The following SIGLEC9 variants were observed in gnomAD, a reference collection of about 807,000 sequenced individuals.
SIGLEC9 encodes the protein sialic acid binding Ig like lectin 9.
A neutral mutation model predicts 38.3 loss-of-function variants in SIGLEC9; 26 were observed. The ratio of observed to expected loss-of-function variants is 0.68; its 90% CI spans 0.50 to 0.94. The LOEUF (loss-of-function observed/expected upper bound fraction) is 0.94. SIGLEC9 is among the 40% of genes least tolerant of loss of function. The pLI, the probability that SIGLEC9 is intolerant of heterozygous loss-of-function variation, is 0.00. For missense variants in SIGLEC9, 556 were observed against 585.7 expected (o/e 0.95, Z 0.52); for synonymous variants, 236 against 248.0 (o/e 0.95, Z 0.45).
chr19:51,133,172 G>C (rs997101801), downstream of SIGLEC9, among the ~76,000 whole-genome samples: 1 of 152,090 alleles, frequency 6.6e-6, no homozygotes, highest in African/African-American at 2.4e-5. Context: ...GAGTAATACA[G>C]AGAGTGTGGT....
rs1228611483 is a variant in SIGLEC9, at chr19:51,127,964, G to T, written c.1031G>T (p.Gly344Val). Residue 344 changes from glycine to valine, a missense_variant, in exon 5 of 7, where the codon GGA (glycine) becomes GTA (valine). Transcript: ENST00000250360. ...NVSLQSKATS[G>V]VTQGVVGGAG... ...CTGTCAACAGGCAAAGCCACATCAG[G>T]AGTGACTCAGGGGGTGGTCGGGGGA... 6.2e-7 allele frequency: 1 copy of T among 1,613,292 alleles called. No homozygotes were observed. The highest frequency in any genetic ancestry group is 1.1e-5 in the South Asian group (1 of 91,050).
rs2091975609 is a variant in SIGLEC9, at chr19:51,125,841, G to C, written c.666G>C (p.Val222=). ...TCQVTFPGAS[V]TTNKTVHLNV... ...AGGTGACCTTCCCTGGGGCCAGCGT[G>C]ACCACGAACAAGACCGTCCATCTCA... Residue 222 remains valine (V), a synonymous_variant, in exon 2 of 7, where the codon GTG becomes GTC. Transcript: ENST00000250360. The C allele has an allele frequency of 6.2e-7, 1 of 1,614,016 alleles. No individual in the cohort carries two copies. The highest frequency in any genetic ancestry group is 8.5e-7 in the Non-Finnish European group (1 of 1,180,032).
At chr19:51,129,338 T>A (rs1375200333) in intron 6 of SIGLEC9, among the ~76,000 whole-genome samples, 1 of 151,454 alleles carries the variant, frequency 6.6e-6, no homozygotes, top group Non-Finnish European at 1.5e-5. Flanking sequence ...TTTTTGTATT[T>A]TTAGTAGAGA....
At position 51,130,210 on chromosome 19, in the gene SIGLEC9, G is replaced by C. The variant is rs767190541; in HGVS notation, c.*131G>C. The C allele has an allele frequency of 8.7e-5, 121 of 1,396,948 alleles. No individual in the cohort carries two copies. The highest frequency in any genetic ancestry group is 1.1e-4 in the Non-Finnish European group (118 of 1,076,302). The allele number at this position is 1,396,948 out of a possible 1,614,324, so 86.5% of individuals were successfully genotyped here. ...ATGATAACACTATGAATTATGTGCA[G>C]AGTGAAAAGCACACAGGCTTTAGAG... On this transcript the variant is annotated 3_prime_UTR_variant, in exon 7 of 7. Transcript: ENST00000250360.
At chr19:51,131,527 A>G (rs2092014801), downstream of SIGLEC9, among the ~76,000 whole-genome samples, 1 of 151,418 alleles carries the variant, frequency 6.6e-6, no homozygotes, top group Non-Finnish European at 1.5e-5. Context: ...TGGAGCTTGC[A>G]GTGAGCTGAG....
rs375511640 is a variant in SIGLEC9 at position 51,129,501 on chromosome 19, A to G, written c.1204-390A>G. Among the ~76,000 whole-genome samples, 34 of 151,996 alleles carry G rather than the reference A, an allele frequency of 2.2e-4. 2 individuals are homozygous for G. The South Asian group carries it at 3.5e-3, about 16-fold the overall frequency. Reference sequence around the variant, plus strand: ...GCACCTACCTCTCCACTAGGGCAAGAACAAGGGTGAAGTGAGTGAGGCTGT... The same window carrying G: ...GCACCTACCTCTCCACTAGGGCAAGGACAAGGGTGAAGTGAGTGAGGCTGT... On this transcript the variant is annotated intron_variant, in intron 6 of 6. Coordinates refer to ENST00000250360, the MANE Select transcript of SIGLEC9 (RefSeq NM_014441.3).
At chr19:51,122,442 G>A (rs895899005), upstream of SIGLEC9, among the ~76,000 whole-genome samples, 2 of 152,046 alleles carry the variant, frequency 1.3e-5, no homozygotes, top group Non-Finnish European at 2.9e-5. The surrounding 1 kb of genome is among the most constrained non-coding windows in gnomAD (Gnocchi z 4.1). Context: ...TTAACCTGGC[G>A]TGGCGGCACA....
intron 3 of SIGLEC9, 136 bp downstream of exon 3, chr19:51,126,264 C>A (rs952124519): frequency 3.6e-5 from 31 of 863,196 alleles, no homozygotes; most frequent in Non-Finnish European, 1.2e-5. Context: ...CCTCTGTATC[C>A]TTAGGCCCCA....
At chr19:51,135,436 A>G (rs1324710193) in intron 6 of SIGLEC9, among the ~76,000 whole-genome samples, 2 of 152,346 alleles carry the variant, frequency 1.3e-5, no homozygotes, top group Middle Eastern at 3.4e-3. Context: ...ATTTCTGCTA[A>G]AAGCTCTTCT....
At chr19:51,133,337 C>T (rs1451387785), downstream of SIGLEC9, among the ~76,000 whole-genome samples, 1 of 151,156 alleles carries the variant, frequency 6.6e-6, no homozygotes, top group Admixed American at 6.6e-5. Context: ...CTTTGGGAGG[C>T]TGAGGTGGGT....
At chr19:51,120,383 A>G (rs963470391), upstream of SIGLEC9, 2 of 152,274 alleles carry the variant, frequency 1.3e-5, no homozygotes, top group Non-Finnish European at 2.9e-5. The surrounding 1 kb of genome is among the most constrained non-coding windows in gnomAD (Gnocchi z 4.1). Flanking sequence ...ATTCGGGGTC[A>G]TGGGAAGCAT....
intron 6 of SIGLEC9, among the ~76,000 whole-genome samples, chr19:51,129,653 G>A (rs1011242248): frequency 2.0e-5 from 3 of 150,216 alleles, no homozygotes; most frequent in East Asian, 2.0e-4. Flanking sequence ...AGGTTCAAGC[G>A]ATTCTCCTGC....
chr19:51,120,430 G>GC (rs1025944029), upstream of SIGLEC9: 3 of 152,244 alleles, frequency 2.0e-5, no homozygotes, highest in African/African-American at 7.2e-5. This position sits in a 1 kb window ranked among gnomAD's most constrained non-coding sequence, Gnocchi z 4.1. Flanking sequence ...CACAGGGAGT[G>GC]CCCCCACTCC....
rs1375240808 is a variant in SIGLEC9 at position 51,130,029 on chromosome 19, G to A, written c.1342G>A (p.Gly448Arg). The change falls in exon 7 of 7, where the codon GGA becomes AGA. Residue 448 changes from glycine to arginine, a missense_variant. Gly to Arg is a moderately radical substitution (Grantham distance 125). Coordinates refer to ENST00000250360, the MANE Select transcript of SIGLEC9 (RefSeq NM_014441.3). ...FQMVKPWDSRGQEATDTEYSE... is the reference protein window; with the variant it reads ...FQMVKPWDSRRQEATDTEYSE... ...GATGGTGAAGCCTTGGGACTCGCGG[G>A]GACAGGAGGCCACTGACACCGAGTA... is the stretch of plus-strand genomic sequence containing the variant. The A allele has an allele frequency of 5.0e-6, 8 of 1,613,642 alleles. No individual in the cohort carries two copies. The highest frequency in any genetic ancestry group is 6.8e-6 in the Non-Finnish European group (8 of 1,179,880).
chr19:51,125,422 A>ACAGGGAAAGGTCATGGGGGCGG, intron 1 of SIGLEC9, 27 bp downstream of exon 1: 1 of 1,565,236 alleles, frequency 6.4e-7, no homozygotes, highest in Non-Finnish European at 8.7e-7. Context: ...AGGAAAGGCC[A>ACAGGGAAAGGTCATGGGGGCGG]CAGGGAAAGG....
At position 51,125,610 on chromosome 19, in the gene SIGLEC9, G is replaced by A. The variant is rs763320460; in HGVS notation, c.435G>A (p.Arg145=). 1 of 1,611,070 alleles carries A rather than the reference G, an allele frequency of 6.2e-7. No homozygotes were observed. Among genetic ancestry groups the A allele is most frequent in the Non-Finnish European group, 8.5e-7 (1 of 1,179,920 alleles). The part of the protein sequence containing the change: ...LSVNVTALTH[R]PNILIPGTLE... ...TCTCTTCACCAGCCTTGACCCACAG[G>A]CCCAACATCCTCATCCCAGGCACCC... The change falls in exon 2 of 7, where the codon AGG becomes AGA. Residue 145 remains arginine, a synonymous_variant. Transcript: ENST00000250360.
At chr19:51,135,756 G>T (rs1280031081) in intron 6 of SIGLEC9, among the ~76,000 whole-genome samples, 3 of 151,974 alleles carry the variant, frequency 2.0e-5, no homozygotes, top group Non-Finnish European at 2.9e-5. Flanking sequence ...TTGTTGGAGG[G>T]TTTTGTCATT....
At chr19:51,126,204 C>G (rs1056115609) in intron 3 of SIGLEC9, 76 bp downstream of exon 3, 1 of 1,408,120 alleles carries the variant, frequency 7.1e-7, no homozygotes, top group Non-Finnish European at 1.0e-6. Context: ...ATTCCTCAAC[C>G]TGGACTCACT....
downstream of SIGLEC9, among the ~76,000 whole-genome samples, chr19:51,132,654 C>A (rs1403903864): frequency 6.6e-6 from 1 of 152,226 alleles, no homozygotes; most frequent in African/African-American, 2.4e-5. Flanking sequence ...GCCGCCGCAT[C>A]CCGCTCAGCT....
Sources: gnomAD v4.1 joint callset for allele counts (sites outside exome capture counted in the v4.1 genomes callset) on GRCh38, gnomAD v4.1.1 for gene constraint, Gnocchi (gnomAD v3.1) non-coding constraint, MANE v1.5 for transcripts, NCBI Gene and HGNC (gene_info 2026-07-23, HGNC 2026-07-21) for gene names.